Variants in MACROD2 observed in about 807,000 individuals in gnomAD.
The protein encoded by MACROD2 is mono-ADP ribosylhydrolase 2, also known as ADP-ribose glycohydrolase MACROD2.
Under a neutral mutation model 70.4 loss-of-function variants are expected in MACROD2, and 36 were observed. That is an observed-to-expected ratio of 0.51 (90% CI 0.39 to 0.68). The LOEUF (loss-of-function observed/expected upper bound fraction) is 0.68. Ranked by LOEUF, MACROD2 falls within the 30% of genes least tolerant of loss-of-function variation. The pLI is 0.00. For missense variants in MACROD2, 496 were observed against 538.4 expected (o/e 0.92, Z 0.78); for synonymous variants, 172 against 178.8 (o/e 0.96, Z 0.30).
intron 3 of MACROD2, among the ~76,000 whole-genome samples, chr20:14,331,817 G>T (rs963527094): frequency 6.6e-6 from 1 of 151,852 alleles, no homozygotes; most frequent in Admixed American, 6.6e-5. Flanking sequence ...ACATATTTGC[G>T]CACCTAGAAA....
At chr20:15,155,132 A>AG (rs869055795) in intron 5 of MACROD2, among the ~76,000 whole-genome samples, 1 of 25,936 alleles carries the variant, frequency 3.9e-5, no homozygotes, top group South Asian at 8.5e-4. Flanking sequence ...TTAAGAACTC[A>AG]AAATGGTAAC....
At chr20:14,992,797 A>T (rs1032837238) in intron 5 of MACROD2, among the ~76,000 whole-genome samples, 1 of 150,464 alleles carries the variant, frequency 6.6e-6, no homozygotes, top group Non-Finnish European at 1.5e-5. Flanking sequence ...TTTCTTTGAA[A>T]TTTTTTTAAA....
chr20:15,045,744 T>TTTCC (rs11482249), intron 5 of MACROD2, among the ~76,000 whole-genome samples: 44 of 134,706 alleles, frequency 3.3e-4, no homozygotes, highest in Non-Finnish European at 5.7e-4. Flanking sequence ...TTTTTTTTTT[T>TTTCC]CCCTTTCTGA....
chr20:14,122,989 T>C (rs1453098021), intron 3 of MACROD2, among the ~76,000 whole-genome samples: 1 of 152,106 alleles, frequency 6.6e-6, no homozygotes, highest in African/African-American at 2.4e-5. Context: ...AAACTAGTGT[T>C]TTTTGATGAG....
chr20:14,049,174 T>TAAAAAAAAAAAAAAAAAAAAAAA (rs71335946), intron 2 of MACROD2, among the ~76,000 whole-genome samples: 2 of 69,756 alleles, frequency 2.9e-5, no homozygotes, highest in Admixed American at 1.6e-4. Flanking sequence ...ATATATTTAA[T>TAAAAAAAAAAAAAAAAAAAAAAA]AAAAAAAAAA....
intron 5 of MACROD2, among the ~76,000 whole-genome samples, chr20:14,903,169 G>A (rs2073918536): frequency 6.6e-6 from 1 of 151,294 alleles, no homozygotes; most frequent in South Asian, 2.1e-4. Context: ...AGCCTCCCGA[G>A]TAGCTGGGAT....
intron 8 of MACROD2, among the ~76,000 whole-genome samples, chr20:15,764,779 A>G (rs981472185): frequency 4.6e-5 from 7 of 152,200 alleles, no homozygotes; most frequent in African/African-American, 1.4e-4. Context: ...ATCAGATCAC[A>G]GCAATTTCTT....
chr20:15,587,565 A>G (rs2048619785), intron 8 of MACROD2, among the ~76,000 whole-genome samples: 1 of 152,310 alleles, frequency 6.6e-6, no homozygotes, highest in South Asian at 2.1e-4. Flanking sequence ...GAGCCTGTAA[A>G]ATCAAAAACA....
chr20:15,106,622 T>A (rs994964136), intron 5 of MACROD2, among the ~76,000 whole-genome samples: 1 of 152,166 alleles, frequency 6.6e-6, no homozygotes, highest in Admixed American at 6.5e-5. Context: ...TAAGATCCTC[T>A]CCTAGCGTGG....
intron 5 of MACROD2, among the ~76,000 whole-genome samples, chr20:14,981,609 GA>G (rs2074801645): frequency 1.3e-5 from 2 of 151,922 alleles, no homozygotes; most frequent in Non-Finnish European, 2.9e-5. Flanking sequence ...TTGTTCTTGT[GA>G]TAGTGAATAA....
chr20:14,351,811 T>C (rs1261127957), intron 3 of MACROD2, among the ~76,000 whole-genome samples: 6 of 152,218 alleles, frequency 3.9e-5, no homozygotes, highest in Non-Finnish European at 1.5e-5. Flanking sequence ...CCTTGTCATG[T>C]TACAGATCTA....
intron 8 of MACROD2, among the ~76,000 whole-genome samples, chr20:15,574,358 A>G (rs1264822572): frequency 3.3e-5 from 5 of 152,146 alleles, no homozygotes; most frequent in Admixed American, 2.6e-4. Flanking sequence ...TATTCCAGAG[A>G]CACACATTCT....
intron 5 of MACROD2, among the ~76,000 whole-genome samples, chr20:15,204,818 C>A (rs572590567): frequency 3.9e-5 from 6 of 152,112 alleles, no homozygotes; most frequent in African/African-American, 1.4e-4. Context: ...AGTGACTATC[C>A]TAAGGCTAAA....
At chr20:14,283,556 A>T (rs535996198) in intron 3 of MACROD2, among the ~76,000 whole-genome samples, 1 of 152,256 alleles carries the variant, frequency 6.6e-6, no homozygotes, top group African/African-American at 2.4e-5. Flanking sequence ...GCTAGAGATT[A>T]ATTCATGTAT....
chr20:15,091,425 T>A (rs1392073480), intron 5 of MACROD2, among the ~76,000 whole-genome samples: 1 of 151,460 alleles, frequency 6.6e-6, no homozygotes, highest in African/African-American at 2.4e-5. Flanking sequence ...ATGAAAATAT[T>A]TTTTTTTTCC....
intron 8 of MACROD2, among the ~76,000 whole-genome samples, chr20:15,566,367 G>A (rs1025443106): frequency 4.6e-5 from 7 of 151,838 alleles, no homozygotes; most frequent in Non-Finnish European, 5.9e-5. Context: ...GTGTGGTGAT[G>A]TGCGCCTGTA....
At chr20:15,981,389 TTTG>T (rs566185052) in intron 13 of MACROD2, among the ~76,000 whole-genome samples, 3 of 152,194 alleles carry the variant, frequency 2.0e-5, no homozygotes, top group East Asian at 3.9e-4. Context: ...TTTTCCTGTT[TTTG>T]TTGTTGTTGT....
At chr20:14,140,980 C>G (rs2054865649) in intron 3 of MACROD2, among the ~76,000 whole-genome samples, 1 of 152,154 alleles carries the variant, frequency 6.6e-6, no homozygotes, top group African/African-American at 2.4e-5. Flanking sequence ...ATTCAGGATA[C>G]CTGACCTTCC....
At chr20:14,459,833 G>A (rs1226252545) in intron 3 of MACROD2, among the ~76,000 whole-genome samples, 1 of 151,912 alleles carries the variant, frequency 6.6e-6, no homozygotes, top group Admixed American at 6.6e-5. Flanking sequence ...CCATCAACCC[G>A]TCATCTACAT....
Sources: gnomAD v4.1 joint callset for allele counts (sites outside exome capture counted in the v4.1 genomes callset) on GRCh38, gnomAD v4.1.1 for gene constraint, MANE v1.5 for transcripts, NCBI Gene and HGNC (gene_info 2026-07-23, HGNC 2026-07-21) for gene names.